Variants in TXNDC5 observed in about 807,000 individuals in gnomAD.
TXNDC5 encodes the protein thioredoxin domain-containing protein 5.
In TXNDC5, 44 loss-of-function variants were observed where a neutral mutation model predicts 52.6. The observed-to-expected ratio is 0.84, with a 90% CI of 0.66 to 1.08. The LOEUF (loss-of-function observed/expected upper bound fraction) is 1.08. TXNDC5 is among the 50% of genes least tolerant of loss of function. TXNDC5 has a pLI of 0.00. For synonymous variants in TXNDC5, 241 were observed against 234.4 expected (o/e 1.03, Z -0.26); for missense variants, 600 against 565.5 (o/e 1.06, Z -0.62).
chr6:7,898,430 G>A (rs1760447582), intron 3 of TXNDC5, among the ~76,000 whole-genome samples: 1 of 152,206 alleles, frequency 6.6e-6, no homozygotes, highest in Admixed American at 6.5e-5. Context: ...GGTCATCAGA[G>A]AAGATGGGGC....
At chr6:7,893,411 GGA>G (rs1278820683) in intron 4 of TXNDC5, among the ~76,000 whole-genome samples, 1 of 152,250 alleles carries the variant, frequency 6.6e-6, no homozygotes, top group East Asian at 1.9e-4. Flanking sequence ...ACTGTAAGGT[GGA>G]GACAGGCTCT....
At chr6:7,909,644 G>C (rs980098487) in intron 1 of TXNDC5, among the ~76,000 whole-genome samples, 5 of 152,220 alleles carry the variant, frequency 3.3e-5, no homozygotes, top group African/African-American at 1.2e-4. Context: ...GCCTGGAGTT[G>C]AGGACCAGTG....
intron 2 of TXNDC5, among the ~76,000 whole-genome samples, chr6:7,902,504 G>C (rs1183966448): frequency 6.6e-6 from 1 of 152,142 alleles, no homozygotes; most frequent in African/African-American, 2.4e-5. Flanking sequence ...CCTGGACTCA[G>C]GCAGGTACAG....
At chr6:7,890,945 C>T (rs1478272024) in intron 5 of TXNDC5, among the ~76,000 whole-genome samples, 2 of 152,162 alleles carry the variant, frequency 1.3e-5, no homozygotes, top group Non-Finnish European at 2.9e-5. Flanking sequence ...TCCTGTTAAC[C>T]ATCATTCAGT....
At chr6:7,901,652 A>T (rs1464211959) in intron 2 of TXNDC5, among the ~76,000 whole-genome samples, 1 of 152,142 alleles carries the variant, frequency 6.6e-6, no homozygotes, top group Non-Finnish European at 1.5e-5. Context: ...CTCACTGTCG[A>T]CAGGGGTGAG....
At chr6:7,885,161 T>C (rs1759920339) in intron 8 of TXNDC5, among the ~76,000 whole-genome samples, 1 of 152,228 alleles carries the variant, frequency 6.6e-6, no homozygotes, top group Non-Finnish European at 1.5e-5. Context: ...CCTGTGCTTA[T>C]TAACTTTTTA....
intron 2 of TXNDC5, among the ~76,000 whole-genome samples, chr6:7,902,385 C>G (rs1760598871): frequency 6.6e-6 from 1 of 152,042 alleles, no homozygotes; most frequent in African/African-American, 2.4e-5. Context: ...TGAGCACAGC[C>G]AGCCATCTCT....
At chr6:7,896,257 C>T (rs1028597630) in intron 3 of TXNDC5, among the ~76,000 whole-genome samples, 3 of 152,128 alleles carry the variant, frequency 2.0e-5, no homozygotes, top group African/African-American at 7.2e-5. Context: ...GACTAAGTCT[C>T]ATACAGAAAG....
chr6:7,881,619 GTTGTGTGTA>G lies in TXNDC5; in HGVS notation c.*1516_*1524del, dbSNP rs3031020. ...ACAAGACTCGTGATGCAAAGCTGAAGTTGTGTGTACAAGACTCTTGACAGTTGTGCTTCT... is the reference window on the plus strand; with the variant it reads ...ACAAGACTCGTGATGCAAAGCTGAAGCAAGACTCTTGACAGTTGTGCTTCT... On this transcript the variant is annotated 3_prime_UTR_variant, in exon 10 of 10. Transcript: ENST00000379757. 0.21 allele frequency: 31,739 copies of G among 152,066 alleles called. 4,819 individuals carry two copies. Among genetic ancestry groups the G allele is most frequent in the African/African-American group, 0.44 (18,094 of 41,388 alleles). The allele number at this position is 152,066 out of a possible 1,614,324, so 9.4% of individuals were successfully genotyped here.
At chr6:7,886,444 G>A (rs1316624695) in intron 7 of TXNDC5, among the ~76,000 whole-genome samples, 1 of 152,196 alleles carries the variant, frequency 6.6e-6, no homozygotes, top group Non-Finnish European at 1.5e-5. Flanking sequence ...GGAGTCTCCA[G>A]GATACCCACT....
At chr6:7,884,737 A>C (rs1275447061) in intron 8 of TXNDC5, among the ~76,000 whole-genome samples, 1 of 152,220 alleles carries the variant, frequency 6.6e-6, no homozygotes, top group African/African-American at 2.4e-5. Context: ...GTCTCAAAAC[A>C]AGTTGAGATT....
intron 4 of TXNDC5, among the ~76,000 whole-genome samples, chr6:7,893,295 A>G (rs943584624): frequency 6.6e-6 from 1 of 152,376 alleles, no homozygotes; most frequent in Admixed American, 6.5e-5. Context: ...CAGCACAGCA[A>G]CAATGCACTT....
Position 7,883,278 on chromosome 6 carries a change from AAAG to A in TXNDC5, c.1177-15_1177-13del, listed in dbSNP as rs1212668783. On this transcript the variant is annotated splice_polypyrimidine_tract_variant and intron_variant, in intron 9 of 9. Coordinates refer to ENST00000379757, the MANE Select transcript of TXNDC5 (RefSeq NM_030810.5). ...GGGTAGCCTCGTACCTTAAAACAAA[AAAG>A]AAAAAAGTTTGCAAACCAGCGGTCC... The A allele has an allele frequency of 2.5e-6, 4 of 1,613,578 alleles. No individual in the cohort carries two copies. Among genetic ancestry groups the A allele is most frequent in the Non-Finnish European group, 3.4e-6 (4 of 1,179,902 alleles).
intron 6 of TXNDC5, 48 bp downstream of exon 6, chr6:7,889,447 T>C (rs779763311): frequency 1.3e-6 from 2 of 1,542,978 alleles, no homozygotes; most frequent in East Asian, 2.3e-5. Context: ...CTCAGCCTGA[T>C]GGGGTTAAGA....
At chr6:7,894,893 A>T (rs1188678883) in intron 4 of TXNDC5, 1 of 985,242 alleles carries the variant, frequency 1.0e-6, no homozygotes, top group Non-Finnish European at 1.2e-6. Context: ...TTAGCATTAG[A>T]CTCGGCGTTT....
rs893062631 is a variant in TXNDC5, at chr6:7,889,659, T to C, written c.733-78A>G. The C allele has an allele frequency of 5.4e-6, 6 of 1,103,276 alleles. No individual in the cohort carries two copies. The Admixed American group carries it at 6.2e-5, about 11-fold the overall frequency. The allele number at this position is 1,103,276 out of a possible 1,614,324, so 68.3% of individuals were successfully genotyped here. A position where few individuals can be genotyped will look rare whatever the true frequency, so the allele number is the denominator to read the frequency against. ...GCTAATGGGGCTACTGGACACTTTGTACGTTACAAATATTCTTTTCAAAAT... is the reference window on the plus strand; with the variant it reads ...GCTAATGGGGCTACTGGACACTTTGCACGTTACAAATATTCTTTTCAAAAT... On this transcript the variant is annotated intron_variant, in intron 5 of 9. Transcript: ENST00000379757.
intron 1 of TXNDC5, among the ~76,000 whole-genome samples, 172 bp downstream of exon 1, chr6:7,910,342 G>A (rs1337353851): frequency 6.8e-6 from 1 of 147,862 alleles, no homozygotes; most frequent in Non-Finnish European, 1.5e-5. Flanking sequence ...CGCGCCCCCA[G>A]TATTACACCC....
Position 7,889,590 on chromosome 6 carries a change from A to C in TXNDC5, c.733-9T>G, listed in dbSNP as rs2113331175. 6.2e-7 allele frequency: 1 copy of C among 1,600,418 alleles called. No individual in the cohort carries two copies. Among genetic ancestry groups the C allele is most frequent in the East Asian group, 2.2e-5 (1 of 44,506 alleles). ...TGCTGTGTACAATCAACCTGAGAAT[A>C]AAAGCAGATCAACTTCCCAGTCAGT... On this transcript the variant is annotated splice_polypyrimidine_tract_variant and intron_variant, in intron 5 of 9. Coordinates refer to ENST00000379757, the MANE Select transcript of TXNDC5 (RefSeq NM_030810.5).
chr6:7,888,757 G>A lies in TXNDC5; in HGVS notation c.911C>T (p.Thr304Ile), dbSNP rs145305681. The A allele has an allele frequency of 2.7e-4, 430 of 1,614,068 alleles. 2 individuals are homozygous for A. In the African/African-American group the frequency reaches 4.8e-3, roughly 18 times the overall value. ...LQRTETGATE[T>I]VTPSEAPVLA... ...CACCGGGGCCTCTGAGGGCGTGACG[G>A]TCTCCGTCGCTCCAGTCTCTGTGCG... is the stretch of plus-strand genomic sequence containing the variant. Residue 304 changes from threonine (T) to isoleucine (I), a missense_variant, in exon 7 of 10, where the codon ACC (threonine) becomes ATC (isoleucine). Thr to Ile is a moderately conservative substitution (Grantham distance 89). Coordinates refer to ENST00000379757, the MANE Select transcript of TXNDC5 (RefSeq NM_030810.5).
Sources: allele counts gnomAD v4.1 joint callset (sites outside exome capture counted in the v4.1 genomes callset), GRCh38; gene constraint gnomAD v4.1.1; transcripts MANE v1.5; gene names NCBI Gene and HGNC (gene_info 2026-07-23, HGNC 2026-07-21).